ESRRG: variants seen among roughly 807,000 people sequenced by gnomAD.
ESRRG encodes estrogen-related receptor gamma.
A neutral mutation model predicts 44.0 loss-of-function variants in ESRRG; 13 were observed. That is an observed-to-expected ratio of 0.30 (90% CI 0.19 to 0.47). ESRRG has a LOEUF of 0.47. Among genes scored for constraint, ESRRG ranks in the 20% least tolerant of loss-of-function variants. The pLI is 1.00. For synonymous variants in ESRRG, 215 were observed against 214.6 expected (o/e 1.00, Z -0.02); for missense variants, 395 against 580.6 (o/e 0.68, Z 3.29).
intron 3 of ESRRG, among the ~76,000 whole-genome samples, chr1:216,576,086 G>A (rs966489178): frequency 7.7e-4 from 117 of 152,136 alleles, no homozygotes; most frequent in African/African-American, 2.5e-3. Context: ...ATTAGACAAG[G>A]TGTGTATTTC....
At chr1:216,607,573 A>T (rs2060095760) in intron 3 of ESRRG, among the ~76,000 whole-genome samples, 1 of 152,186 alleles carries the variant, frequency 6.6e-6, no homozygotes, top group African/African-American at 2.4e-5. Context: ...AGACCTTACT[A>T]TAAAATGACT....
intron 3 of ESRRG, among the ~76,000 whole-genome samples, chr1:216,635,076 A>G (rs1362249661): frequency 2.0e-4 from 31 of 151,960 alleles, no homozygotes; most frequent in Admixed American, 2.0e-3. Flanking sequence ...CCATGAAACC[A>G]TTGCCATGAG....
chr1:216,973,892 T>G (rs1436277324), intron 1 of ESRRG, among the ~76,000 whole-genome samples: 1 of 151,466 alleles, frequency 6.6e-6, no homozygotes, highest in Admixed American at 6.6e-5. Flanking sequence ...CTAGCTACTA[T>G]AACAGCATTC....
At chr1:217,078,483 A>G (rs1025055517) in intron 1 of ESRRG, 2 of 152,242 alleles carry the variant, frequency 1.3e-5, no homozygotes, top group African/African-American at 4.8e-5. Context: ...ACCTTTGACA[A>G]CTTCACACAA....
intron 2 of ESRRG, among the ~76,000 whole-genome samples, chr1:216,896,305 T>C (rs553751410): frequency 6.6e-6 from 1 of 152,256 alleles, no homozygotes; most frequent in Middle Eastern, 3.4e-3. Context: ...ATATTTTCCA[T>C]AGAATAAAGT....
At chr1:216,623,082 T>TG (rs2062555366) in intron 3 of ESRRG, among the ~76,000 whole-genome samples, 2 of 130,808 alleles carry the variant, frequency 1.5e-5, no homozygotes, top group Admixed American at 1.5e-4. Context: ...TTAAACTTTT[T>TG]TTTTTTTTTT....
At chr1:216,647,762 C>A (rs1168526874) in intron 3 of ESRRG, among the ~76,000 whole-genome samples, 1 of 152,136 alleles carries the variant, frequency 6.6e-6, no homozygotes, top group East Asian at 1.9e-4. Context: ...TCTCATTTTT[C>A]TATCAACTAC....
At chr1:216,665,033 G>A (rs143577385) in intron 2 of ESRRG, among the ~76,000 whole-genome samples, 331 of 152,324 alleles carry the variant, frequency 2.2e-3, no homozygotes, top group African/African-American at 7.2e-3. Flanking sequence ...ACAGTGGAAT[G>A]TAGTAGTCCT....
chr1:216,869,840 T>C (rs2149198948), intron 2 of ESRRG, among the ~76,000 whole-genome samples: 1 of 152,106 alleles, frequency 6.6e-6, no homozygotes, highest in Admixed American at 6.5e-5. Context: ...TAAGTGCACT[T>C]TCCAATTGTA....
chr1:216,655,219 A>G (rs1404360311), intron 2 of ESRRG, among the ~76,000 whole-genome samples: 2 of 152,196 alleles, frequency 1.3e-5, no homozygotes, highest in African/African-American at 4.8e-5. Flanking sequence ...GTGCTAATCA[A>G]TGAGCCAGGA....
At chr1:216,639,916 T>G (rs1195139384) in intron 3 of ESRRG, among the ~76,000 whole-genome samples, 5 of 152,230 alleles carry the variant, frequency 3.3e-5, no homozygotes, top group Admixed American at 2.6e-4. Context: ...AGTCCTGACA[T>G]TCCTGTCAAA....
intron 3 of ESRRG, among the ~76,000 whole-genome samples, chr1:216,647,553 C>G (rs1008258495): frequency 6.6e-6 from 1 of 152,022 alleles, no homozygotes; most frequent in African/African-American, 2.4e-5. Flanking sequence ...AATTCCATTG[C>G]TTGCTAATGA....
At chr1:216,569,814 T>C (rs1220001059) in intron 3 of ESRRG, among the ~76,000 whole-genome samples, 1 of 152,220 alleles carries the variant, frequency 6.6e-6, no homozygotes, top group Admixed American at 6.5e-5. Context: ...TCAGTATTAC[T>C]ATTTCATTTA....
At chr1:216,577,844 T>C (rs933802531) in intron 3 of ESRRG, among the ~76,000 whole-genome samples, 1 of 152,014 alleles carries the variant, frequency 6.6e-6, no homozygotes, top group Non-Finnish European at 1.5e-5. Flanking sequence ...GGTTTCAGCA[T>C]ATGTGAATCT....
At chr1:216,936,521 A>G (rs1272322342) in intron 2 of ESRRG, 2 of 152,108 alleles carry the variant, frequency 1.3e-5, no homozygotes, top group East Asian at 3.9e-4. Context: ...ACACACACAC[A>G]CACGAGTATA....
At chr1:216,791,973 G>A in intron 2 of ESRRG, among the ~76,000 whole-genome samples, 1 of 152,066 alleles carries the variant, frequency 6.6e-6, no homozygotes. Flanking sequence ...CCATCAAGTA[G>A]ATTTTCTCTT....
intron 1 of ESRRG, among the ~76,000 whole-genome samples, chr1:217,017,093 A>C (rs918522886): frequency 5.9e-5 from 9 of 152,150 alleles, no homozygotes; most frequent in South Asian, 2.1e-4. Context: ...GTTGGGACAG[A>C]ATGCTCTGCT....
intron 1 of ESRRG, among the ~76,000 whole-genome samples, chr1:217,010,643 T>G (rs2078427073): frequency 6.6e-6 from 1 of 152,228 alleles, no homozygotes; most frequent in Non-Finnish European, 1.5e-5. Context: ...TCAGAGGTTA[T>G]CTTTTCATTC....
At chr1:217,068,363 TTTTTAACATCTCCAGGGGCG>T (rs1484650757) in intron 1 of ESRRG, among the ~76,000 whole-genome samples, 6 of 151,990 alleles carry the variant, frequency 3.9e-5, no homozygotes, top group Admixed American at 3.3e-4. Context: ...CTTTTTTTTT[TTTTTAACATCTCCAGGGGCG>T]TTTAATCCCC....
Sources: allele counts gnomAD v4.1 joint callset (sites outside exome capture counted in the v4.1 genomes callset), GRCh38; gene constraint gnomAD v4.1.1; transcripts MANE v1.5; gene names NCBI Gene and HGNC (gene_info 2026-07-23, HGNC 2026-07-21).